The following SUCO variants were observed in gnomAD, a reference collection of about 807,000 sequenced individuals.
The protein encoded by SUCO is SUN domain containing ossification factor.
SUCO carries 57 observed loss-of-function variants against 148.1 expected under a neutral mutation model. That is an observed-to-expected ratio of 0.38 (90% CI 0.31 to 0.48). The LOEUF (loss-of-function observed/expected upper bound fraction) is 0.48, where lower values mean the gene tolerates loss of function less well. Among genes scored for constraint, SUCO ranks in the 20% least tolerant of loss-of-function variants. The probability of loss-of-function intolerance (pLI) is 0.96; values close to 1 mark genes in which losing one functional copy is unlikely to be tolerated. For synonymous variants in SUCO, 470 were observed against 502.7 expected, an observed-to-expected ratio of 0.93 and a Z score of 0.87; for missense variants, 1,331 against 1,468.2, an observed-to-expected ratio of 0.91 and a Z score of 1.53.
At chr1:172,569,521 A>G (rs1654789738) in intron 7 of SUCO, 6 of 981,366 alleles carry the variant, frequency 6.1e-6, no homozygotes, top group Non-Finnish European at 7.3e-6. Flanking sequence ...TGTTTTACAT[A>G]TGATGTTTCA....
At chr1:172,535,099 C>A (rs1299485279) in intron 1 of SUCO, among the ~76,000 whole-genome samples, 2 of 152,200 alleles carry the variant, frequency 1.3e-5, no homozygotes, top group Non-Finnish European at 2.9e-5. Context: ...AGCTAACCCT[C>A]AGTATGTTTT....
At position 172,533,355 on chromosome 1, in the gene SUCO, C is replaced by T. The variant is rs1651748104; in HGVS notation, c.-81C>T. ...CGGTCACATTCTCGCGCTCCTGCTC[C>T]GGCTCCTCCATCTTGGCCTCGGCAG... is the stretch of plus-strand genomic sequence containing the variant. On this transcript the variant is annotated 5_prime_UTR_variant, in exon 1 of 24. Transcript: ENST00000263688. 1 of 1,551,560 alleles carries T rather than the reference C, an allele frequency of 6.4e-7. No homozygotes were observed. The highest frequency in any genetic ancestry group is 8.7e-7 in the Non-Finnish European group (1 of 1,147,020).
At chr1:172,608,862 G>C in intron 23 of SUCO, 60 bp downstream of exon 23, 1 of 1,171,940 alleles carries the variant, frequency 8.5e-7, no homozygotes. Context: ...ATGAAGAAAA[G>C]AGGTTGAAAG....
At chr1:172,533,137 G>C, upstream of SUCO, 1 of 1,441,414 alleles carries the variant, frequency 6.9e-7, no homozygotes, top group Non-Finnish European at 9.1e-7. Context: ...GGCCCCCGGC[G>C]GGCGGGGAGG....
rs146878825 is a variant in SUCO at position 172,575,671 on chromosome 1, G to A, written c.1263+48G>A. 5.0e-4 allele frequency: 655 copies of A among 1,301,768 alleles called. 4 individuals carry two copies. In the African/African-American group the frequency reaches 8.6e-3, roughly 17 times the overall value. 80.6% of individuals were successfully genotyped at this position (1,301,768 alleles called of 1,614,324 possible). ...TATGTTCTATAATGAAAATATACGT[G>A]TTATTCACACTTTATACACCTCATC... On this transcript the variant is annotated intron_variant, in intron 11 of 23. Coordinates refer to ENST00000263688, the MANE Select transcript of SUCO (RefSeq NM_014283.5).
intron 9 of SUCO, among the ~76,000 whole-genome samples, chr1:172,573,287 T>A (rs74124242): frequency 6.6e-6 from 1 of 152,180 alleles, no homozygotes; most frequent in Non-Finnish European, 1.5e-5. Flanking sequence ...GTCTCTAGAT[T>A]TTTTATGTAA....
intron 1 of SUCO, chr1:172,550,877 G>T: frequency 1.0e-6 from 1 of 977,402 alleles, no homozygotes; most frequent in Non-Finnish European, 1.2e-6. Context: ...AAATCAAGTT[G>T]ATTTTATTAT....
At chr1:172,565,577 C>G (rs1159160942) in intron 6 of SUCO, among the ~76,000 whole-genome samples, 1 of 152,138 alleles carries the variant, frequency 6.6e-6, no homozygotes, top group Non-Finnish European at 1.5e-5. Flanking sequence ...ATGCCAAAAA[C>G]CCTAGTGCAC....
At chr1:172,537,790 A>G (rs1652133072) in intron 1 of SUCO, among the ~76,000 whole-genome samples, 1 of 152,236 alleles carries the variant, frequency 6.6e-6, no homozygotes, top group Non-Finnish European at 1.5e-5. Context: ...TGGCAAATAT[A>G]ACAGGTACTT....
At chr1:172,570,520 C>CT (rs1044805690) in intron 8 of SUCO, 143 bp from the exon 9 acceptor site, 8 of 624,822 alleles carry the variant, frequency 1.3e-5, no homozygotes, top group Middle Eastern at 4.4e-4. Flanking sequence ...CACTTTTATG[C>CT]TTTTTTCCCA....
At chr1:172,561,371 G>A (rs1218446540) in intron 6 of SUCO, among the ~76,000 whole-genome samples, 1 of 152,176 alleles carries the variant, frequency 6.6e-6, no homozygotes, top group Non-Finnish European at 1.5e-5. Flanking sequence ...GTCTGTGGGG[G>A]ATGTTTGTGA....
chr1:172,599,408 C>A, intron 19 of SUCO: 1 of 810,982 alleles, frequency 1.2e-6, no homozygotes, highest in Non-Finnish European at 1.5e-6. Context: ...GTAGAATTCC[C>A]TAAAGTATGC....
Position 172,589,094 on chromosome 1 carries a change from C to A in SUCO, c.1993C>A (p.Pro665Thr), listed in dbSNP as rs371140610. Residue 665 changes from proline to threonine, a missense_variant, in exon 18 of 24, where the codon CCC becomes ACC. Pro to Thr is a conservative substitution (Grantham distance 38). Around this residue, in one of 3 missense-constraint regions of SUCO, gnomAD observed 992 missense variants for 1,093.5 expected, o/e 0.91. Coordinates refer to ENST00000263688, the MANE Select transcript of SUCO (RefSeq NM_014283.5). ...GKDYLVLAQP[P>T]LLLPAESVDV... ...AGATTATCTTGTGTTAGCTCAACCA[C>A]CCTTACTACTTCCTGCGGAATCAGT... 6.8e-6 allele frequency: 11 copies of A among 1,613,408 alleles called. No homozygotes were observed. In the African/African-American group the frequency reaches 1.5e-4, roughly 22 times the overall value.
At chr1:172,564,687 C>T (rs905889519) in intron 6 of SUCO, among the ~76,000 whole-genome samples, 23 of 151,904 alleles carry the variant, frequency 1.5e-4, no homozygotes, top group African/African-American at 5.6e-4. Context: ...TTGTCCTATA[C>T]TACCTCTTTC....
upstream of SUCO, chr1:172,532,995 G>A (rs913173206): frequency 5.7e-6 from 8 of 1,408,074 alleles, no homozygotes; most frequent in Non-Finnish European, 7.4e-6. Flanking sequence ...TGGTGGGGGT[G>A]CGGGCGCCGC....
intron 15 of SUCO, among the ~76,000 whole-genome samples, chr1:172,583,605 C>A (rs1656033545): frequency 6.6e-6 from 1 of 152,168 alleles, no homozygotes; most frequent in South Asian, 2.1e-4. Context: ...TTCTACTTTT[C>A]ACATCTCTGG....
rs148474914 is a variant in SUCO, at chr1:172,604,156, G to A, written c.3265+1369G>A. On this transcript the variant is annotated intron_variant, in intron 22 of 23. Coordinates refer to ENST00000263688, the MANE Select transcript of SUCO (RefSeq NM_014283.5). Reference sequence around the variant, plus strand: ...GTATACCCATGCAATTAGGAAATACGTTAGATTTTTGCTTCTCAGCATTTC... The same window carrying A: ...GTATACCCATGCAATTAGGAAATACATTAGATTTTTGCTTCTCAGCATTTC... Among the ~76,000 whole-genome samples the A allele has an allele frequency of 4.3e-3, 657 of 151,960 alleles. 4 individuals carry two copies. The highest frequency in any genetic ancestry group is 0.018 in the South Asian group (87 of 4,828).
chr1:172,570,002 C>T, intron 7 of SUCO, 45 bp from the exon 8 acceptor site: 1 of 1,316,712 alleles, frequency 7.6e-7, no homozygotes, highest in Non-Finnish European at 9.7e-7. Flanking sequence ...CAGTCATAAT[C>T]ATCAAATATA....
At chr1:172,555,818 A>T in intron 3 of SUCO, 51 bp from the exon 4 acceptor site, 1 of 1,442,728 alleles carries the variant, frequency 6.9e-7, no homozygotes, top group Non-Finnish European at 9.5e-7. Flanking sequence ...TGCTAAAGAG[A>T]TGTTATATTA....
Sources: gnomAD v4.1 joint callset for allele counts (sites outside exome capture counted in the v4.1 genomes callset) on GRCh38, gnomAD v4.1.1 for gene constraint, gnomAD v4.1.1 regional missense constraint, MANE v1.5 for transcripts, NCBI Gene and HGNC (gene_info 2026-07-23, HGNC 2026-07-21) for gene names.